SPAG16: variants seen among roughly 807,000 people sequenced by gnomAD.
The protein encoded by SPAG16 is sperm associated antigen 16.
Under a neutral mutation model 80.4 loss-of-function variants are expected in SPAG16, and 86 were observed. That is an observed-to-expected ratio of 1.07 (90% CI 0.90 to 1.28). SPAG16 has a LOEUF of 1.28. Among genes scored for constraint, SPAG16 ranks in the 50% most tolerant of loss-of-function variants. The probability of loss-of-function intolerance (pLI) is 0.00; values close to 1 mark genes in which losing one functional copy is unlikely to be tolerated. For missense variants in SPAG16, 870 were observed against 765.3 expected (o/e 1.14, Z -1.61); for synonymous variants, 294 against 265.9 (o/e 1.11, Z -1.03).
chr2:213,924,482 A>G (rs1183321610), intron 11 of SPAG16, among the ~76,000 whole-genome samples: 1 of 152,118 alleles, frequency 6.6e-6, no homozygotes, highest in Non-Finnish European at 1.5e-5. Flanking sequence ...GGATCCCAGC[A>G]TGGTTTCTCA....
chr2:214,289,003 C>T (rs1200485792), intron 15 of SPAG16, among the ~76,000 whole-genome samples: 2 of 152,076 alleles, frequency 1.3e-5, no homozygotes, highest in South Asian at 2.1e-4. Flanking sequence ...CTCCTGACCT[C>T]GTGATCCACC....
intron 15 of SPAG16, among the ~76,000 whole-genome samples, chr2:214,241,889 TA>T (rs71037353): frequency 0.4 from 58,508 of 148,054 alleles, 12,062 homozygotes; most frequent in African/African-American, 0.55. Flanking sequence ...GTAAGTTGTA[TA>T]AAAAAAAAAA....
At chr2:213,956,878 G>GTAATTTCT (rs1286680467) in intron 12 of SPAG16, among the ~76,000 whole-genome samples, 1 of 151,972 alleles carries the variant, frequency 6.6e-6, no homozygotes, top group African/African-American at 2.4e-5. Flanking sequence ...AATTTTCCTT[G>GTAATTTCT]TAATTTCTTC....
chr2:213,450,217 T>C (rs2071603279), intron 9 of SPAG16, among the ~76,000 whole-genome samples: 1 of 152,188 alleles, frequency 6.6e-6, no homozygotes, highest in African/African-American at 2.4e-5. Context: ...GGCAGGAGAA[T>C]TGCTTGAAGC....
At chr2:213,946,618 C>G (rs1163664525) in intron 12 of SPAG16, among the ~76,000 whole-genome samples, 1 of 152,114 alleles carries the variant, frequency 6.6e-6, no homozygotes, top group Non-Finnish European at 1.5e-5. Flanking sequence ...ATAACCATTG[C>G]CTATTGTCAA....
At chr2:213,984,702 A>G (rs1185127416) in intron 12 of SPAG16, among the ~76,000 whole-genome samples, 4 of 152,094 alleles carry the variant, frequency 2.6e-5, no homozygotes, top group South Asian at 2.1e-4. Context: ...AGAAAAGCCA[A>G]CATCCTTACC....
At chr2:214,012,285 TATA>T (rs1351776371) in intron 12 of SPAG16, among the ~76,000 whole-genome samples, 567 of 51,856 alleles carry the variant, frequency 0.011, 3 homozygotes, top group African/African-American at 0.042. Flanking sequence ...TATATATATA[TATA>T]TTTTTTTTTT....
intron 10 of SPAG16, among the ~76,000 whole-genome samples, chr2:213,607,856 G>A (rs563743647): frequency 3.9e-5 from 6 of 152,242 alleles, no homozygotes; most frequent in East Asian, 1.9e-4. Context: ...AACTGCCTCC[G>A]ATTTTAGGAA....
At chr2:213,833,977 G>A (rs958113408) in intron 10 of SPAG16, among the ~76,000 whole-genome samples, 1 of 152,002 alleles carries the variant, frequency 6.6e-6, no homozygotes, top group African/African-American at 2.4e-5. Context: ...CCCACGTGTT[G>A]TGGAAGGGGC....
At chr2:214,220,670 T>C (rs2058543470) in intron 15 of SPAG16, among the ~76,000 whole-genome samples, 1 of 152,178 alleles carries the variant, frequency 6.6e-6, no homozygotes, top group Admixed American at 6.5e-5. Context: ...CGAAGGCTTC[T>C]GTTAGGTTTC....
At chr2:213,595,487 G>T (rs1334481612) in intron 10 of SPAG16, among the ~76,000 whole-genome samples, 2 of 152,068 alleles carry the variant, frequency 1.3e-5, no homozygotes, top group Non-Finnish European at 2.9e-5. Context: ...GACATATTCT[G>T]CATTTTCTAG....
chr2:213,720,393 C>T (rs965963081), intron 10 of SPAG16, among the ~76,000 whole-genome samples: 12 of 150,894 alleles, frequency 8.0e-5, no homozygotes, highest in African/African-American at 9.7e-5. Flanking sequence ...TTTGGGAGGC[C>T]GAGGTGGGCA....
rs558006677 is a variant in SPAG16, at chr2:214,166,519, G to A, written c.1720+17253G>A. ...CTGGTTCTCAGCCAGGCTCCTGTTAGGCCATTTTCTCTCCTCAAGCCTAGT... is the reference window on the plus strand; with the variant it reads ...CTGGTTCTCAGCCAGGCTCCTGTTAAGCCATTTTCTCTCCTCAAGCCTAGT... On this transcript the variant is annotated intron_variant, in intron 15 of 15. Transcript: ENST00000331683. Among the ~76,000 whole-genome samples the A allele has an allele frequency of 2.6e-5, 4 of 152,272 alleles. No individual in the cohort carries two copies. In the East Asian group the frequency reaches 7.7e-4, roughly 29 times the overall value.
At chr2:213,441,869 C>T (rs1017731551) in intron 9 of SPAG16, among the ~76,000 whole-genome samples, 1 of 152,040 alleles carries the variant, frequency 6.6e-6, no homozygotes, top group Non-Finnish European at 1.5e-5. Flanking sequence ...AAAACACGGC[C>T]GGGGTGGTGG....
intron 13 of SPAG16, among the ~76,000 whole-genome samples, chr2:214,034,147 G>A (rs916387165): frequency 2.6e-5 from 4 of 152,112 alleles, no homozygotes; most frequent in African/African-American, 4.8e-5. Flanking sequence ...CCTTATGCAG[G>A]TTTCATAGAA....
chr2:213,803,518 A>G (rs1438453848), intron 10 of SPAG16, among the ~76,000 whole-genome samples: 1 of 152,188 alleles, frequency 6.6e-6, no homozygotes, highest in Non-Finnish European at 1.5e-5. Flanking sequence ...TCAAAAATCA[A>G]AGCCTCCAGA....
At chr2:213,296,994 A>G in intron 2 of SPAG16, 5 of 1,147,370 alleles carry the variant, frequency 4.4e-6, no homozygotes, top group Non-Finnish European at 5.7e-6. Flanking sequence ...TTTTCAGCAG[A>G]ATTGTTAGAT....
At chr2:213,446,917 T>G (rs1033737967) in intron 9 of SPAG16, among the ~76,000 whole-genome samples, 2 of 152,170 alleles carry the variant, frequency 1.3e-5, no homozygotes, top group Admixed American at 6.5e-5. Context: ...CACAGGGGAA[T>G]GGGGACATTT....
chr2:213,987,788 A>G (rs1336494826), intron 12 of SPAG16, among the ~76,000 whole-genome samples: 1 of 148,696 alleles, frequency 6.7e-6, no homozygotes, highest in Non-Finnish European at 1.5e-5. Context: ...ATAACAGAAA[A>G]ACTATATAAT....
Sources: gnomAD v4.1 joint callset for allele counts (sites outside exome capture counted in the v4.1 genomes callset) on GRCh38, gnomAD v4.1.1 for gene constraint, MANE v1.5 for transcripts, NCBI Gene and HGNC (gene_info 2026-07-23, HGNC 2026-07-21) for gene names.